RASSF8: variants seen among roughly 807,000 people sequenced by gnomAD.
RASSF8 encodes ras association domain-containing protein 8.
Under a neutral mutation model 48.5 loss-of-function variants are expected in RASSF8, and 22 were observed. That is an observed-to-expected ratio of 0.45 (90% CI 0.32 to 0.65). The LOEUF (loss-of-function observed/expected upper bound fraction) is 0.65, where lower values mean the gene tolerates loss of function less well. Among genes scored for constraint, RASSF8 ranks in the 30% least tolerant of loss-of-function variants. The probability of loss-of-function intolerance (pLI) is 0.03; values close to 1 mark genes in which losing one functional copy is unlikely to be tolerated. For synonymous variants in RASSF8, 127 were observed against 171.5 expected, an observed-to-expected ratio of 0.74 and a Z score of 2.03; for missense variants, 418 against 489.2, an observed-to-expected ratio of 0.85 and a Z score of 1.37.
chr12:26,002,461 A>G (rs1260128677), intron 2 of RASSF8, among the ~76,000 whole-genome samples: 1 of 151,526 alleles, frequency 6.6e-6, no homozygotes, highest in Non-Finnish European at 1.5e-5. Context: ...AAAAACAAAT[A>G]GAGTTAATAC....
rs373933210 is a variant in RASSF8, at chr12:26,027,396, C to T, written c.-108-27840C>T. Among the ~76,000 whole-genome samples, 185 of 152,230 alleles carry T rather than the reference C, an allele frequency of 1.2e-3. 6 individuals carry two copies. The South Asian group carries it at 0.032, about 26-fold the overall frequency. On this transcript the variant is annotated intron_variant, in intron 2 of 5. Transcript: ENST00000689635. ...CAAACAAACAGAAGCTGGATAGCAC[C>T]GATAATTCACCATGGGTATGATTTA...
intron 3 of RASSF8, among the ~76,000 whole-genome samples, chr12:26,059,561 T>TG (rs1281035532): frequency 2.6e-5 from 4 of 152,206 alleles, no homozygotes; most frequent in Non-Finnish European, 2.9e-5. Flanking sequence ...TAAAAAATTA[T>TG]ACTCTTCATA....
intron 4 of RASSF8, among the ~76,000 whole-genome samples, chr12:26,066,106 G>A (rs1979748): frequency 0.84 from 128,072 of 152,182 alleles, 54,007 homozygotes; most frequent in East Asian, 0.99. Flanking sequence ...TAATAAGGCA[G>A]TTAAATTATT....
chr12:26,008,951 T>C (rs1942458538), intron 2 of RASSF8, among the ~76,000 whole-genome samples: 1 of 152,192 alleles, frequency 6.6e-6, no homozygotes, highest in Non-Finnish European at 1.5e-5. Flanking sequence ...CAGATATATC[T>C]GTATATTCAC....
chr12:26,061,383 CTGTA>C (rs1591813671), intron 3 of RASSF8, among the ~76,000 whole-genome samples: 1 of 152,052 alleles, frequency 6.6e-6, no homozygotes, highest in Non-Finnish European at 1.5e-5. Flanking sequence ...GCATTAAAAT[CTGTA>C]TGTAAGTTTC....
At chr12:26,048,722 GTTT>G (rs934894044) in intron 2 of RASSF8, among the ~76,000 whole-genome samples, 1 of 151,462 alleles carries the variant, frequency 6.6e-6, no homozygotes, top group Non-Finnish European at 1.5e-5. Flanking sequence ...TCACCTTTTT[GTTT>G]TTGTTTTGTT....
At chr12:26,038,608 A>C (rs905345000) in intron 2 of RASSF8, among the ~76,000 whole-genome samples, 2 of 144,852 alleles carry the variant, frequency 1.4e-5, no homozygotes, top group Admixed American at 7.0e-5. Flanking sequence ...TTCTTATTAA[A>C]ACACACACAC....
chr12:26,068,717 T>C lies in RASSF8; in HGVS notation c.1159T>C (p.Ser387Pro). Residue 387 changes from serine to proline, a missense_variant, in exon 6 of 6, where the codon TCC (serine) becomes CCC (proline). By Grantham distance (74) the Ser-to-Pro change is moderately conservative. Coordinates refer to ENST00000689635, the MANE Select transcript of RASSF8 (RefSeq NM_001394098.1). ...IEREAPFQSG[S>P]LKRPGSSRQL... ...TTTAGAGGCACCATTCCAGTCTGGG[T>C]CCCTGAAGCGACCTGGTTCATCTCG... The C allele has an allele frequency of 6.5e-7, 1 of 1,537,334 alleles. No individual in the cohort carries two copies. Among genetic ancestry groups the C allele is most frequent in the East Asian group, 2.4e-5 (1 of 40,924 alleles).
intron 2 of RASSF8, among the ~76,000 whole-genome samples, chr12:26,024,747 GA>G (rs1942866592): frequency 6.6e-6 from 1 of 152,110 alleles, no homozygotes; most frequent in African/African-American, 2.4e-5. Context: ...ACTAGTTCGG[GA>G]GATCAAGACC....
chr12:26,043,693 T>C (rs1943313527), intron 2 of RASSF8, among the ~76,000 whole-genome samples: 1 of 152,176 alleles, frequency 6.6e-6, no homozygotes, highest in Non-Finnish European at 1.5e-5. Flanking sequence ...AGCAGTAGAA[T>C]AGATGAATAA....
intron 1 of RASSF8, among the ~76,000 whole-genome samples, chr12:25,968,068 T>C (rs1592213889): frequency 6.6e-6 from 1 of 152,366 alleles, no homozygotes; most frequent in Admixed American, 6.5e-5. Flanking sequence ...GTGCTGCTTC[T>C]AGCTGTCTCC....
At chr12:26,077,112 G>T (rs1342461114), downstream of RASSF8, among the ~76,000 whole-genome samples, 2 of 152,146 alleles carry the variant, frequency 1.3e-5, no homozygotes, top group Non-Finnish European at 2.9e-5. Flanking sequence ...TGATGGGGTT[G>T]CTTTTTTCTT....
At chr12:26,056,343 A>G (rs1943601937) in intron 3 of RASSF8, among the ~76,000 whole-genome samples, 1 of 152,198 alleles carries the variant, frequency 6.6e-6, no homozygotes. Context: ...TGATGAGGGC[A>G]TAAACACCTG....
In RASSF8 at chr12:26,070,055, A is replaced by T; in HGVS notation, c.*1237A>T. On this transcript the variant is annotated 3_prime_UTR_variant, in exon 6 of 6. Transcript: ENST00000689635. ...GACTTAACTAAGATTTACAAGTAAT[A>T]TTTAGACAGATTCAGTCAGACACCA... 3.1e-6 allele frequency: 3 copies of T among 983,394 alleles called. No individual in the cohort carries two copies. The highest frequency in any genetic ancestry group is 3.6e-6 in the Non-Finnish European group (3 of 828,042). The allele number at this position is 983,394 out of a possible 1,614,324, so 60.9% of individuals were successfully genotyped here.
chr12:26,007,100 G>A (rs1039952630), intron 2 of RASSF8, among the ~76,000 whole-genome samples: 2 of 152,002 alleles, frequency 1.3e-5, no homozygotes, highest in African/African-American at 2.4e-5. Context: ...GGGGTTGGCC[G>A]GAGGGAGGAG....
intron 1 of RASSF8, among the ~76,000 whole-genome samples, chr12:25,962,888 T>C (rs991669645): frequency 1.3e-5 from 2 of 152,242 alleles, no homozygotes; most frequent in African/African-American, 4.8e-5. Context: ...TTCTGTGAAA[T>C]ATTCGTAGTA....
chr12:25,976,026 G>C (rs913825517), intron 1 of RASSF8, among the ~76,000 whole-genome samples: 1 of 152,096 alleles, frequency 6.6e-6, no homozygotes, highest in Admixed American at 6.5e-5. Context: ...AGAAATTTTG[G>C]ACCTTATTCC....
At chr12:26,043,522 A>G (rs910028888) in intron 2 of RASSF8, among the ~76,000 whole-genome samples, 1 of 152,254 alleles carries the variant, frequency 6.6e-6, no homozygotes, top group Non-Finnish European at 1.5e-5. Flanking sequence ...TACCTCTAGC[A>G]GTAATCTGCA....
chr12:26,044,476 AT>A (rs1366060737), intron 2 of RASSF8, among the ~76,000 whole-genome samples: 2 of 152,184 alleles, frequency 1.3e-5, no homozygotes, highest in African/African-American at 4.8e-5. Flanking sequence ...CAGTTAATTG[AT>A]TCAGTAGCTG....
Sources: gnomAD v4.1 joint callset for allele counts (sites outside exome capture counted in the v4.1 genomes callset) on GRCh38, gnomAD v4.1.1 for gene constraint, MANE v1.5 for transcripts, NCBI Gene and HGNC (gene_info 2026-07-23, HGNC 2026-07-21) for gene names.